Variants in LAMA2 observed in about 807,000 individuals in gnomAD.
LAMA2 encodes the protein laminin subunit alpha 2, also known as laminin subunit alpha-2.
A neutral mutation model predicts 364.8 loss-of-function variants in LAMA2; 269 were observed. The ratio of observed to expected loss-of-function variants is 0.74; its 90% CI spans 0.67 to 0.82. The LOEUF (loss-of-function observed/expected upper bound fraction) is 0.82. Ranked by LOEUF, LAMA2 falls within the 40% of genes least tolerant of loss-of-function variation. LAMA2 has a pLI of 0.00. For synonymous variants in LAMA2, 1,379 were observed against 1,370.6 expected (o/e 1.01, Z -0.14); for missense variants, 3,807 against 3,873.2 (o/e 0.98, Z 0.45).
intron 1 of LAMA2, among the ~76,000 whole-genome samples, chr6:128,975,457 AG>A (rs1782469441): frequency 6.6e-6 from 1 of 152,208 alleles, no homozygotes; most frequent in Non-Finnish European, 1.5e-5. Context: ...GACCTATTTC[AG>A]GAACTGAAAG....
chr6:129,484,773 A>G (rs1486604220), intron 55 of LAMA2, among the ~76,000 whole-genome samples: 1 of 152,206 alleles, frequency 6.6e-6, no homozygotes, highest in Non-Finnish European at 1.5e-5. Flanking sequence ...AATGATAAAC[A>G]TAAAATCCAC....
chr6:129,193,011 G>T (rs182539195), intron 12 of LAMA2, among the ~76,000 whole-genome samples, 158 bp downstream of exon 12: 1 of 152,192 alleles, frequency 6.6e-6, no homozygotes, highest in Admixed American at 6.5e-5. Context: ...TTTCTTCCAT[G>T]TTGCACAAGA....
At chr6:129,503,024 A>T in intron 59 of LAMA2, 67 bp from the exon 60 acceptor site, 1 of 1,411,662 alleles carries the variant, frequency 7.1e-7, no homozygotes, top group South Asian at 1.2e-5. Flanking sequence ...ACGATCTGAT[A>T]CCGCTCTATT....
intron 1 of LAMA2, among the ~76,000 whole-genome samples, chr6:128,907,848 T>A (rs1408377945): frequency 1.3e-5 from 2 of 152,208 alleles, no homozygotes; most frequent in African/African-American, 2.4e-5. Context: ...GCATGAAGTG[T>A]GGTTGAATTT....
chr6:128,910,037 T>C (rs932452602), intron 1 of LAMA2, among the ~76,000 whole-genome samples: 4 of 152,092 alleles, frequency 2.6e-5, no homozygotes, highest in African/African-American at 9.7e-5. Flanking sequence ...CCTTCCAGGG[T>C]AACCCGTGCT....
chr6:129,195,849 G>A (rs1390411154), intron 12 of LAMA2, among the ~76,000 whole-genome samples: 1 of 152,176 alleles, frequency 6.6e-6, no homozygotes, highest in Non-Finnish European at 1.5e-5. Context: ...TCAGAGTTGG[G>A]ATAATTTACT....
intron 1 of LAMA2, among the ~76,000 whole-genome samples, chr6:129,011,045 A>G (rs1173575182): frequency 1.3e-5 from 2 of 151,886 alleles, no homozygotes; most frequent in South Asian, 4.2e-4. Flanking sequence ...CAGTGGCTTG[A>G]TCTTGGCTCA....
At chr6:129,004,770 ACTTT>A (rs1213298630) in intron 1 of LAMA2, among the ~76,000 whole-genome samples, 1 of 152,158 alleles carries the variant, frequency 6.6e-6, no homozygotes, top group African/African-American at 2.4e-5. Context: ...GTATTTTGAC[ACTTT>A]CTAATTATTG....
intron 1 of LAMA2, among the ~76,000 whole-genome samples, chr6:129,031,005 C>T (rs1158214949): frequency 6.6e-6 from 1 of 151,978 alleles, no homozygotes; most frequent in African/African-American, 2.4e-5. Context: ...TATGTGCTTG[C>T]TAAATGAAAA....
At chr6:128,980,113 C>T (rs566496657) in intron 1 of LAMA2, among the ~76,000 whole-genome samples, 5 of 152,254 alleles carry the variant, frequency 3.3e-5, no homozygotes, top group African/African-American at 1.2e-4. Flanking sequence ...GATATAGCCA[C>T]CTGACAGATC....
chr6:129,491,863 A>G, intron 56 of LAMA2, 38 bp from the exon 57 acceptor site: 5 of 1,469,334 alleles, frequency 3.4e-6, no homozygotes, highest in Non-Finnish European at 4.7e-6. Flanking sequence ...ATTGAATCAG[A>G]TGTGACTTAT....
intron 53 of LAMA2, 73 bp from the exon 54 acceptor site, chr6:129,478,620 T>C (rs1784199470): frequency 4.6e-6 from 7 of 1,533,080 alleles, no homozygotes; most frequent in South Asian, 4.5e-5. Flanking sequence ...CAAGGCTTCC[T>C]TCCCATAGTC....
intron 16 of LAMA2, among the ~76,000 whole-genome samples, chr6:129,270,120 T>C (rs1787814539): frequency 6.6e-6 from 1 of 152,074 alleles, no homozygotes; most frequent in South Asian, 2.1e-4. Flanking sequence ...CCAAAATTCA[T>C]GTCTGAGCTA....
At chr6:129,086,826 A>T (rs1774414409) in intron 3 of LAMA2, among the ~76,000 whole-genome samples, 1 of 152,216 alleles carries the variant, frequency 6.6e-6, no homozygotes, top group Admixed American at 6.5e-5. Context: ...TGTGGGTAGT[A>T]TTGCATTTCT....
chr6:129,374,896 C>A (rs1041996977), intron 34 of LAMA2, among the ~76,000 whole-genome samples: 1 of 151,744 alleles, frequency 6.6e-6, no homozygotes, highest in African/African-American at 2.4e-5. Flanking sequence ...TACTGCCAAT[C>A]TTTGTTATGC....
intron 4 of LAMA2, among the ~76,000 whole-genome samples, chr6:129,142,112 A>G (rs907716024): frequency 2.6e-5 from 4 of 152,056 alleles, no homozygotes; most frequent in African/African-American, 9.7e-5. Flanking sequence ...AACCAGTCCC[A>G]TATTGATGGA....
At chr6:129,168,755 C>G (rs1779927484) in intron 9 of LAMA2, among the ~76,000 whole-genome samples, 1 of 142,642 alleles carries the variant, frequency 7.0e-6, no homozygotes, top group Non-Finnish European at 1.5e-5. Context: ...TTACCTTGGG[C>G]AGTATGGCCA....
At chr6:129,211,932 T>A (rs1783125436) in intron 12 of LAMA2, among the ~76,000 whole-genome samples, 1 of 152,200 alleles carries the variant, frequency 6.6e-6, no homozygotes, top group Non-Finnish European at 1.5e-5. Context: ...TTAATAATTC[T>A]TTGTTGAGTG....
chr6:129,252,360 C>T, intron 14 of LAMA2, 65 bp downstream of exon 14: 1 of 1,250,616 alleles, frequency 8.0e-7, no homozygotes, highest in South Asian at 1.2e-5. Context: ...GCAGGAGCCG[C>T]CCCAGGAGTG....
Sources: allele counts gnomAD v4.1 joint callset (sites outside exome capture counted in the v4.1 genomes callset), GRCh38; gene constraint gnomAD v4.1.1; transcripts MANE v1.5; gene names NCBI Gene and HGNC (gene_info 2026-07-23, HGNC 2026-07-21).